The following NALF1 variants were observed in gnomAD, a reference collection of about 807,000 sequenced individuals.
NALF1 encodes the protein NALCN channel auxiliary factor 1.
NALF1 carries 3 observed loss-of-function variants against 48.4 expected under a neutral mutation model. The observed-to-expected ratio is 0.06, with a 90% confidence interval of 0.03 to 0.16. The LOEUF is 0.16. Ranked by LOEUF, NALF1 falls within the 10% of genes least tolerant of loss-of-function variation. The pLI, the probability that NALF1 is intolerant of heterozygous loss-of-function variation, is 1.00. For synonymous variants in NALF1, 262 were observed against 245.7 expected (o/e 1.07, Z -0.62); for missense variants, 526 against 571.5 (o/e 0.92, Z 0.81).
chr13:107,744,669 G>A (rs1246764113), intron 1 of NALF1, among the ~76,000 whole-genome samples: 1 of 152,186 alleles, frequency 6.6e-6, no homozygotes, highest in East Asian at 1.9e-4. Flanking sequence ...AAGAAGGTCT[G>A]TCTACAAGGA....
intron 1 of NALF1, among the ~76,000 whole-genome samples, chr13:107,421,804 T>C (rs536776750): frequency 1.3e-5 from 2 of 152,300 alleles, no homozygotes; most frequent in South Asian, 2.1e-4. Context: ...CTTCTTTTTC[T>C]GCAGTCATTG....
chr13:107,829,226 C>T (rs955934692), intron 1 of NALF1, among the ~76,000 whole-genome samples: 1 of 152,072 alleles, frequency 6.6e-6, no homozygotes, highest in Non-Finnish European at 1.5e-5. Context: ...AATAAGTATA[C>T]CCCTACATCC....
chr13:107,349,624 C>G (rs892283339), intron 1 of NALF1, among the ~76,000 whole-genome samples: 1 of 151,710 alleles, frequency 6.6e-6, no homozygotes, highest in Non-Finnish European at 1.5e-5. Flanking sequence ...GCCTGTAGTC[C>G]CAGCTACTTG....
At chr13:107,281,857 A>G (rs1256874760) in intron 1 of NALF1, among the ~76,000 whole-genome samples, 1 of 152,224 alleles carries the variant, frequency 6.6e-6, no homozygotes, top group East Asian at 1.9e-4. Context: ...AAACACTTAT[A>G]AAACCGTCAG....
At chr13:107,173,140 G>C (rs1252245992) in intron 2 of NALF1, among the ~76,000 whole-genome samples, 2 of 152,072 alleles carry the variant, frequency 1.3e-5, no homozygotes, top group African/African-American at 4.8e-5. Flanking sequence ...ATATCTTTCA[G>C]CTGCTTTGTA....
chr13:107,748,384 A>G (rs7982765), intron 1 of NALF1, among the ~76,000 whole-genome samples: 3,218 of 152,306 alleles, frequency 0.021, 138 homozygotes, highest in African/African-American at 0.074. Flanking sequence ...TGTTTAATAT[A>G]AGGAGAAAAA....
intron 1 of NALF1, among the ~76,000 whole-genome samples, chr13:107,574,549 G>T (rs374931084): frequency 1.3e-5 from 2 of 152,230 alleles, no homozygotes; most frequent in South Asian, 2.1e-4. Flanking sequence ...ATATAAATGA[G>T]GACTCTTATT....
chr13:107,657,237 C>T (rs1444943768), intron 1 of NALF1, among the ~76,000 whole-genome samples: 1 of 152,026 alleles, frequency 6.6e-6, no homozygotes, highest in Non-Finnish European at 1.5e-5. Flanking sequence ...GAGCCCCAGA[C>T]CCATGTATCC....
intron 1 of NALF1, among the ~76,000 whole-genome samples, chr13:107,627,175 A>G (rs775188134): frequency 6.6e-6 from 1 of 152,144 alleles, no homozygotes; most frequent in Non-Finnish European, 1.5e-5. Context: ...CAGTGAACTC[A>G]GGAAAGTTTT....
In NALF1 at chr13:107,461,355, G is replaced by A. The variant is rs190975212; in HGVS notation, c.916-250600C>T. On this transcript the variant is annotated intron_variant, in intron 1 of 2. Coordinates refer to ENST00000375915, the MANE Select transcript of NALF1 (RefSeq NM_001080396.3). ...GAAGTAATTAAACTTGAATGAAATCGTGCTATGATTTGCATAAATATTCAC... is the reference window on the plus strand; with the variant it reads ...GAAGTAATTAAACTTGAATGAAATCATGCTATGATTTGCATAAATATTCAC... Among the ~76,000 whole-genome samples, 529 of 152,126 alleles carry A rather than the reference G, an allele frequency of 3.5e-3. 5 individuals carry two copies. Among genetic ancestry groups the A allele is most frequent in the African/African-American group, 0.011 (477 of 41,516 alleles).
chr13:107,854,488 T>C (rs1389553336), intron 1 of NALF1, among the ~76,000 whole-genome samples: 1 of 152,226 alleles, frequency 6.6e-6, no homozygotes, highest in Non-Finnish European at 1.5e-5. Flanking sequence ...CATTGACCTT[T>C]TTAAAAACAC....
chr13:107,396,390 G>C (rs1265035612), intron 1 of NALF1, among the ~76,000 whole-genome samples: 2 of 152,164 alleles, frequency 1.3e-5, no homozygotes, highest in African/African-American at 4.8e-5. Flanking sequence ...AAGTGCAAGA[G>C]AGAACATTCA....
At chr13:107,674,459 C>A (rs1881066384) in intron 1 of NALF1, among the ~76,000 whole-genome samples, 1 of 152,202 alleles carries the variant, frequency 6.6e-6, no homozygotes, top group Non-Finnish European at 1.5e-5. Flanking sequence ...AGGTTTTGTT[C>A]ATGCTGTCTC....
chr13:107,783,939 T>G (rs968221901), intron 1 of NALF1, among the ~76,000 whole-genome samples: 1 of 151,952 alleles, frequency 6.6e-6, no homozygotes, highest in Non-Finnish European at 1.5e-5. Context: ...TCACTTCTTC[T>G]TCTACCTAGT....
At chr13:107,359,060 G>A (rs1307816755) in intron 1 of NALF1, among the ~76,000 whole-genome samples, 1 of 152,074 alleles carries the variant, frequency 6.6e-6, no homozygotes, top group Non-Finnish European at 1.5e-5. Flanking sequence ...TTCCAGGCCA[G>A]CTGGTCCAGA....
intron 1 of NALF1, among the ~76,000 whole-genome samples, chr13:107,526,677 A>G (rs1876455811): frequency 6.6e-6 from 1 of 152,198 alleles, no homozygotes. Context: ...TTTAAAGATC[A>G]AAACAACAGA....
At chr13:107,848,868 A>AC (rs563167690) in intron 1 of NALF1, among the ~76,000 whole-genome samples, 4 of 152,336 alleles carry the variant, frequency 2.6e-5, no homozygotes, top group African/African-American at 7.2e-5. Context: ...AGCATTACCG[A>AC]CCTGACAGGA....
chr13:107,252,448 G>T (rs866542989), intron 1 of NALF1, among the ~76,000 whole-genome samples: 2 of 151,360 alleles, frequency 1.3e-5, no homozygotes, highest in African/African-American at 4.9e-5. Flanking sequence ...GAAAGAGAGG[G>T]ACAGACACAG....
At chr13:107,612,547 CTCCCTGCTGTGGGTGG>C (rs1264121814) in intron 1 of NALF1, among the ~76,000 whole-genome samples, 1 of 152,088 alleles carries the variant, frequency 6.6e-6, no homozygotes, top group Admixed American at 6.5e-5. Context: ...ACAGCTGGCC[CTCCCTGCTGTGGGTGG>C]GCCTTGTGCG....
Sources: gnomAD v4.1 joint callset for allele counts (sites outside exome capture counted in the v4.1 genomes callset) on GRCh38, gnomAD v4.1.1 for gene constraint, MANE v1.5 for transcripts, NCBI Gene and HGNC (gene_info 2026-07-23, HGNC 2026-07-21) for gene names.